DLG2: variants seen among roughly 807,000 people sequenced by gnomAD.
The protein encoded by DLG2 is discs large MAGUK scaffold protein 2, also known as disks large homolog 2.
Under a neutral mutation model 132.5 loss-of-function variants are expected in DLG2, and 45 were observed. The observed-to-expected ratio is 0.34, with a 90% CI of 0.27 to 0.44. DLG2 has a LOEUF of 0.44. DLG2 is among the 20% of genes least tolerant of loss of function. The probability of loss-of-function intolerance (pLI) is 1.00; values close to 1 mark genes in which losing one functional copy is unlikely to be tolerated. For synonymous variants in DLG2, 424 were observed against 419.6 expected (o/e 1.01, Z -0.13); for missense variants, 1,045 against 1,196.9 (o/e 0.87, Z 1.87).
rs115896603 is a variant in DLG2 at position 83,929,431 on chromosome 11, C to T, written c.1496+897G>A. ...ACTGAATTGGAACTACCTTGTGGAACGCTGAATTCTATTTTTCTTGCTTTC... is the reference window on the plus strand; with the variant it reads ...ACTGAATTGGAACTACCTTGTGGAATGCTGAATTCTATTTTTCTTGCTTTC... On this transcript the variant is annotated intron_variant, in intron 15 of 27. Coordinates refer to ENST00000376104, the MANE Select transcript of DLG2 (RefSeq NM_001142699.3). 4.0e-3 allele frequency among the ~76,000 whole-genome samples: 605 copies of T among 152,234 alleles called. 7 individuals carry two copies. The highest frequency in any genetic ancestry group is 0.013 in the African/African-American group (537 of 41,558).
chr11:83,559,769 C>A (rs964049700), intron 19 of DLG2, among the ~76,000 whole-genome samples: 1 of 152,112 alleles, frequency 6.6e-6, no homozygotes, highest in African/African-American at 2.4e-5. Flanking sequence ...ATTTATCTTC[C>A]AAGCTGTTTG....
At chr11:85,428,903 A>G (rs1355633297) in intron 3 of DLG2, among the ~76,000 whole-genome samples, 3 of 152,200 alleles carry the variant, frequency 2.0e-5, no homozygotes, top group Non-Finnish European at 4.4e-5. Flanking sequence ...AGAAGAAAAG[A>G]GAGAAGAATT....
chr11:85,038,938 G>A (rs956641408), intron 6 of DLG2, among the ~76,000 whole-genome samples: 2 of 151,836 alleles, frequency 1.3e-5, no homozygotes, highest in Non-Finnish European at 2.9e-5. Context: ...GGAACTCCTG[G>A]AGATTATATG....
intron 7 of DLG2, among the ~76,000 whole-genome samples, chr11:84,419,340 T>A (rs2098940685): frequency 6.6e-6 from 1 of 152,224 alleles, no homozygotes; most frequent in African/African-American, 2.4e-5. Context: ...TATCTATCCT[T>A]ATGCCTGGGA....
At chr11:85,419,251 C>A (rs933812823) in intron 3 of DLG2, among the ~76,000 whole-genome samples, 2 of 152,162 alleles carry the variant, frequency 1.3e-5, no homozygotes, top group African/African-American at 4.8e-5. Context: ...AATATTGGCA[C>A]CCACTCTCTT....
At chr11:84,718,136 T>C (rs1295438081) in intron 6 of DLG2, among the ~76,000 whole-genome samples, 1 of 152,100 alleles carries the variant, frequency 6.6e-6, no homozygotes, top group Non-Finnish European at 1.5e-5. Flanking sequence ...ATAATTAACC[T>C]TCTGTTAAGT....
intron 6 of DLG2, among the ~76,000 whole-genome samples, chr11:84,745,401 T>G (rs1057448365): frequency 6.6e-6 from 1 of 152,192 alleles, no homozygotes; most frequent in Non-Finnish European, 1.5e-5. Flanking sequence ...GGTCTGGCCA[T>G]ATGACATGTC....
intron 7 of DLG2, among the ~76,000 whole-genome samples, chr11:84,517,592 T>G (rs1372266223): frequency 2.0e-5 from 3 of 151,952 alleles, no homozygotes; most frequent in Non-Finnish European, 2.9e-5. Flanking sequence ...ATATAGAGCT[T>G]CTTCAAAAAA....
intron 16 of DLG2, among the ~76,000 whole-genome samples, chr11:83,863,276 T>C (rs771914064): frequency 4.6e-5 from 7 of 152,178 alleles, no homozygotes; most frequent in Non-Finnish European, 8.8e-5. Context: ...TTACATCTAC[T>C]ACTATTCCTG....
intron 15 of DLG2, among the ~76,000 whole-genome samples, chr11:83,916,288 G>T (rs1464770621): frequency 2.6e-5 from 4 of 151,878 alleles, no homozygotes; most frequent in Non-Finnish European, 4.4e-5. Flanking sequence ...TGAGCCTAAT[G>T]GGAGATTTTT....
chr11:83,811,485 A>G (rs768967944), intron 17 of DLG2, among the ~76,000 whole-genome samples: 1 of 152,146 alleles, frequency 6.6e-6, no homozygotes, highest in African/African-American at 2.4e-5. Context: ...TTTAATTTCT[A>G]CTTTTTAATG....
chr11:85,226,538 G>C (rs1456714286), intron 4 of DLG2, among the ~76,000 whole-genome samples: 1 of 152,026 alleles, frequency 6.6e-6, no homozygotes, highest in Non-Finnish European at 1.5e-5. Context: ...GGGCAACAGA[G>C]CAAGACCCTG....
chr11:83,530,119 C>A (rs954728751), intron 21 of DLG2, among the ~76,000 whole-genome samples: 4 of 151,558 alleles, frequency 2.6e-5, no homozygotes, highest in Admixed American at 6.6e-5. Context: ...TCTATCTATC[C>A]ATCTATCTCA....
intron 7 of DLG2, among the ~76,000 whole-genome samples, chr11:84,420,881 G>T (rs2098948278): frequency 6.6e-6 from 1 of 151,620 alleles, no homozygotes; most frequent in African/African-American, 2.4e-5. Context: ...TTTTAGCCAG[G>T]ATGGTCTCGA....
intron 6 of DLG2, among the ~76,000 whole-genome samples, chr11:84,641,299 T>G (rs967868786): frequency 6.6e-6 from 1 of 152,220 alleles, no homozygotes; most frequent in Non-Finnish European, 1.5e-5. Context: ...ATGTTGAAGA[T>G]GACATAAGTT....
At chr11:84,043,210 T>A (rs1019983899) in intron 11 of DLG2, among the ~76,000 whole-genome samples, 5 of 151,576 alleles carry the variant, frequency 3.3e-5, no homozygotes, top group Admixed American at 3.3e-4. Flanking sequence ...ATAAATAAAT[T>A]TAAAAAATTT....
At chr11:83,701,906 A>G (rs1214609976) in intron 18 of DLG2, among the ~76,000 whole-genome samples, 1 of 152,242 alleles carries the variant, frequency 6.6e-6, no homozygotes, top group African/African-American at 2.4e-5. Flanking sequence ...AAGTTTCTGT[A>G]ATTTGGTGTT....
At chr11:83,677,563 CCAA>C (rs2077965764) in intron 18 of DLG2, among the ~76,000 whole-genome samples, 1 of 151,972 alleles carries the variant, frequency 6.6e-6, no homozygotes, top group African/African-American at 2.4e-5. Context: ...GGGAATACTT[CCAA>C]CAATGCATTC....
intron 6 of DLG2, among the ~76,000 whole-genome samples, chr11:84,919,699 T>G (rs1485633381): frequency 6.6e-6 from 1 of 152,120 alleles, no homozygotes; most frequent in Non-Finnish European, 1.5e-5. Context: ...AGGGAAATAG[T>G]GCGATGAGGA....
Sources: allele counts gnomAD v4.1 joint callset (sites outside exome capture counted in the v4.1 genomes callset), GRCh38; gene constraint gnomAD v4.1.1; transcripts MANE v1.5; gene names NCBI Gene and HGNC (gene_info 2026-07-23, HGNC 2026-07-21).